Variants in KMT2E observed in about 807,000 individuals in gnomAD.
The protein encoded by KMT2E is lysine methyltransferase 2E (inactive).
Under a neutral mutation model 184.6 loss-of-function variants are expected in KMT2E, and 30 were observed. The ratio of observed to expected loss-of-function variants is 0.16; its 90% confidence interval spans 0.12 to 0.22. KMT2E has a LOEUF of 0.22. Ranked by LOEUF, KMT2E falls within the 10% of genes least tolerant of loss-of-function variation. The pLI, the probability that KMT2E is intolerant of heterozygous loss-of-function variation, is 1.00. For synonymous variants in KMT2E, 815 were observed against 776.5 expected, an observed-to-expected ratio of 1.05 and a Z score of -0.82; for missense variants, 2,023 against 2,237.4, an observed-to-expected ratio of 0.90 and a Z score of 1.93.
chr7:105,107,050 AAC>A (rs1798931587), intron 20 of KMT2E, 114 bp from the exon 21 acceptor site: 1 of 673,618 alleles, frequency 1.5e-6, no homozygotes. Context: ...ATAAACAGGA[AAC>A]AAGATCTAAA....
At chr7:105,042,727 T>C (rs1307677011) in intron 3 of KMT2E, among the ~76,000 whole-genome samples, 1 of 152,218 alleles carries the variant, frequency 6.6e-6, no homozygotes, top group African/African-American at 2.4e-5. Context: ...TCATTTGCTC[T>C]TTATTTTTAA....
chr7:105,100,317 G>A (rs1798598076), intron 15 of KMT2E, among the ~76,000 whole-genome samples: 1 of 152,152 alleles, frequency 6.6e-6, no homozygotes, highest in Admixed American at 6.6e-5. Flanking sequence ...CCAAAGTGTA[G>A]GTATCTTGAG....
At chr7:105,098,927 C>G (rs1332275215) in intron 15 of KMT2E, among the ~76,000 whole-genome samples, 1 of 152,062 alleles carries the variant, frequency 6.6e-6, no homozygotes, top group Non-Finnish European at 1.5e-5. Flanking sequence ...ATTAGGAATC[C>G]TAATTTCTCT....
intron 11 of KMT2E, chr7:105,077,908 C>A (rs1459487821): frequency 1.3e-5 from 2 of 155,822 alleles, no homozygotes; most frequent in Non-Finnish European, 2.8e-5. Context: ...CCACCACTTT[C>A]AACACCCACT....
intron 3 of KMT2E, among the ~76,000 whole-genome samples, chr7:105,054,809 C>G (rs1053162936): frequency 2.6e-5 from 4 of 152,084 alleles, no homozygotes; most frequent in African/African-American, 9.7e-5. Flanking sequence ...GCTACCACGC[C>G]CAGCCCGCAA....
chr7:105,112,805 T>A lies in KMT2E; in HGVS notation c.5049T>A (p.Pro1683=). 4 of 482,000 alleles carry A rather than the reference T, an allele frequency of 8.3e-6. No homozygotes were observed. Among genetic ancestry groups the A allele is most frequent in the African/African-American group, 4.6e-5 (1 of 21,664 alleles). 29.9% of individuals were successfully genotyped at this position (482,000 alleles called of 1,614,324 possible). The change falls in exon 27 of 27, where the codon CCT becomes CCA. Residue 1683 remains proline, a synonymous_variant. Coordinates refer to ENST00000311117, the MANE Select transcript of KMT2E (RefSeq NM_182931.3). The part of the protein sequence containing the change: ...AGHHLPPPPP[P]PGPAPHHHPP... Reference sequence around the variant, plus strand: ...ACCACTTACCCCCACCCCCACCCCCTCCTGGTCCTGCCCCTCATCACCATC... The same window carrying A: ...ACCACTTACCCCCACCCCCACCCCCACCTGGTCCTGCCCCTCATCACCATC...
rs750432658 is a variant in KMT2E, at chr7:105,112,336, C to T, written c.4580C>T (p.Ser1527Phe). ...TLFTQTPSGQ[S>F]SATYSQFNQQ... Reference sequence around the variant, plus strand: ...TTTACACAGACACCCTCAGGACAATCTTCAGCAACATACAGTCAGTTTAAC... The same window carrying T: ...TTTACACAGACACCCTCAGGACAATTTTCAGCAACATACAGTCAGTTTAAC... The change falls in exon 27 of 27, where the codon TCT (serine) becomes TTT (phenylalanine). Residue 1527 changes from serine (S) to phenylalanine (F), a missense_variant. Transcript: ENST00000311117. 5.1e-5 allele frequency: 82 copies of T among 1,613,516 alleles called. No individual in the cohort carries two copies. In the East Asian group the frequency reaches 1.6e-3, roughly 32 times the overall value.
intron 22 of KMT2E, 147 bp from the exon 23 acceptor site, chr7:105,108,795 G>GT: frequency 1.5e-6 from 1 of 676,738 alleles, no homozygotes; most frequent in Non-Finnish European, 2.4e-6. Flanking sequence ...TAGGCATTTG[G>GT]TAATTGTTAA....
chr7:105,059,080 T>A (rs1796689177), intron 3 of KMT2E, among the ~76,000 whole-genome samples: 1 of 152,222 alleles, frequency 6.6e-6, no homozygotes, highest in Non-Finnish European at 1.5e-5. Context: ...TTTTGATACA[T>A]AATTATATAA....
chr7:105,086,374 C>G (rs1797964497), intron 13 of KMT2E, among the ~76,000 whole-genome samples: 1 of 152,134 alleles, frequency 6.6e-6, no homozygotes, highest in Non-Finnish European at 1.5e-5. Flanking sequence ...GTCTAAGAAG[C>G]TTGTACCAGT....
chr7:105,076,915 TGTGTA>T, intron 9 of KMT2E, 43 bp from the exon 10 acceptor site: 2 of 898,740 alleles, frequency 2.2e-6, no homozygotes, highest in Non-Finnish European at 3.7e-6. Context: ...TGTGTGTGTG[TGTGTA>T]AGTCCGTAAG....
chr7:105,035,266 G>C (rs78840648), intron 1 of KMT2E, among the ~76,000 whole-genome samples: 7 of 151,000 alleles, frequency 4.6e-5, no homozygotes, highest in Non-Finnish European at 7.4e-5. Flanking sequence ...TCTCCTGACC[G>C]TGTGATCTGC....
At chr7:105,018,248 A>G (rs888339308) in intron 1 of KMT2E, among the ~76,000 whole-genome samples, 2 of 152,226 alleles carry the variant, frequency 1.3e-5, no homozygotes, top group East Asian at 1.9e-4. Context: ...GTGTACAACC[A>G]TAGTGTGTTT....
chr7:105,037,406 A>G (rs1157454572), intron 1 of KMT2E, among the ~76,000 whole-genome samples: 1 of 151,944 alleles, frequency 6.6e-6, no homozygotes, highest in East Asian at 1.9e-4. Context: ...TCTGTCAGCC[A>G]GGCTGGAGTG....
At position 105,030,963 on chromosome 7, in the gene KMT2E, G is replaced by A. The variant is rs112362131; in HGVS notation, c.-188-7163G>A. Among the ~76,000 whole-genome samples the A allele has an allele frequency of 5.9e-3, 897 of 152,270 alleles. 10 individuals carry two copies. Among genetic ancestry groups the A allele is most frequent in the African/African-American group, 0.02 (848 of 41,532 alleles). On this transcript the variant is annotated intron_variant, in intron 1 of 26. Transcript: ENST00000311117. ...GAGAGGGAAAGAAGAAAAATCTCAA[G>A]TTTTCTAGTATGAAAGAAATGGATT... is the stretch of plus-strand genomic sequence containing the variant.
chr7:105,066,654 A>G lies in KMT2E; in HGVS notation c.417-73A>G. ...AGTAGGTGCTTATTAAATGATAGTT[A>G]AATGGAATATCAAATCTTAATTTAA... On this transcript the variant is annotated intron_variant, in intron 5 of 26. Coordinates refer to ENST00000311117, the MANE Select transcript of KMT2E (RefSeq NM_182931.3). 18 of 1,186,434 alleles carry G rather than the reference A, an allele frequency of 1.5e-5. 1 individual carries two copies. In the South Asian group the frequency reaches 1.9e-4, roughly 12 times the overall value. The allele number at this position is 1,186,434 out of a possible 1,614,324, so 73.5% of individuals were successfully genotyped here. A position where few individuals can be genotyped will look rare whatever the true frequency, so the allele number is the denominator to read the frequency against.
Position 105,051,370 on chromosome 7 carries a change from A to G in KMT2E, c.71+10347A>G, listed in dbSNP as rs543314919. ...CCAGCTAATTTTGTATGTTTACTAG[A>G]GGCGGGGTTTCTCCATGTTGGTCAG... On this transcript the variant is annotated intron_variant, in intron 3 of 26. Coordinates refer to ENST00000311117, the MANE Select transcript of KMT2E (RefSeq NM_182931.3). Among the ~76,000 whole-genome samples the G allele has an allele frequency of 4.0e-5, 6 of 151,294 alleles. No homozygotes were observed. The East Asian group carries it at 1.2e-3, about 30-fold the overall frequency.
chr7:105,048,810 C>T (rs1276110452), intron 3 of KMT2E, among the ~76,000 whole-genome samples: 1 of 152,202 alleles, frequency 6.6e-6, no homozygotes, highest in Non-Finnish European at 1.5e-5. Context: ...ACTTTGTCTA[C>T]AGAATCAGGA....
intron 13 of KMT2E, among the ~76,000 whole-genome samples, chr7:105,086,832 CAT>C (rs1238122018): frequency 1.4e-5 from 2 of 146,234 alleles, no homozygotes; most frequent in Non-Finnish European, 3.0e-5. Context: ...TACCACTCCA[CAT>C]GAGCTAGCAT....
Sources: gnomAD v4.1 joint callset for allele counts (sites outside exome capture counted in the v4.1 genomes callset) on GRCh38, gnomAD v4.1.1 for gene constraint, MANE v1.5 for transcripts, NCBI Gene and HGNC (gene_info 2026-07-23, HGNC 2026-07-21) for gene names.